KHDRBS3: variants seen among roughly 807,000 people sequenced by gnomAD.
KHDRBS3 encodes the protein KH RNA binding domain containing, signal transduction associated 3, also known as KH domain-containing, RNA-binding, signal transduction-associated protein 3.
Under a neutral mutation model 45.6 loss-of-function variants are expected in KHDRBS3, and 23 were observed. The ratio of observed to expected loss-of-function variants is 0.50; its 90% CI spans 0.36 to 0.72. The LOEUF (loss-of-function observed/expected upper bound fraction) is 0.72. KHDRBS3 is among the 30% of genes least tolerant of loss of function. The pLI is 0.00. For missense variants in KHDRBS3, 352 were observed against 424.8 expected (o/e 0.83, Z 1.51); for synonymous variants, 162 against 156.5 (o/e 1.04, Z -0.26).
At chr8:135,514,174 G>A (rs1195834549) in intron 1 of KHDRBS3, among the ~76,000 whole-genome samples, 1 of 152,126 alleles carries the variant, frequency 6.6e-6, no homozygotes, top group Non-Finnish European at 1.5e-5. Flanking sequence ...AAGCAGATGT[G>A]GCTACATTAA....
At chr8:135,648,335 A>G (rs1831362729), downstream of KHDRBS3, among the ~76,000 whole-genome samples, 1 of 152,220 alleles carries the variant, frequency 6.6e-6, no homozygotes, top group Non-Finnish European at 1.5e-5. Context: ...CTATTAAACA[A>G]CTGTAAAACC....
intron 1 of KHDRBS3, among the ~76,000 whole-genome samples, chr8:135,512,713 C>T (rs1824365942): frequency 6.6e-6 from 1 of 152,142 alleles, no homozygotes; most frequent in Non-Finnish European, 1.5e-5. Context: ...AATCACTATG[C>T]TAAGTGTTAG....
chr8:135,637,026 G>A (rs1420906071), intron 7 of KHDRBS3, among the ~76,000 whole-genome samples: 1 of 152,196 alleles, frequency 6.6e-6, no homozygotes, highest in African/African-American at 2.4e-5. Context: ...CCAAAATTCA[G>A]CAAAGTTGTG....
intron 7 of KHDRBS3, among the ~76,000 whole-genome samples, chr8:135,613,654 G>A (rs1459026601): frequency 6.6e-6 from 1 of 151,704 alleles, no homozygotes; most frequent in Non-Finnish European, 1.5e-5. Context: ...AAACCTGCAA[G>A]GACTGTGCGA....
Position 135,623,244 on chromosome 8 carries a change from A to T in KHDRBS3, c.890+16207A>T, listed in dbSNP as rs148066665. ...GATCTGTTCTCTTGTGTGTCTTCATAAGAAATCTTAGTTTTCTTGTTAGCG... is the reference window on the plus strand; with the variant it reads ...GATCTGTTCTCTTGTGTGTCTTCATTAGAAATCTTAGTTTTCTTGTTAGCG... On this transcript the variant is annotated intron_variant, in intron 7 of 8. Coordinates refer to ENST00000355849, the MANE Select transcript of KHDRBS3 (RefSeq NM_006558.3). Among the ~76,000 whole-genome samples the T allele has an allele frequency of 4.7e-3, 713 of 152,332 alleles. 2 individuals carry two copies. Among genetic ancestry groups the T allele is most frequent in the African/African-American group, 0.016 (686 of 41,586 alleles).
intron 5 of KHDRBS3, among the ~76,000 whole-genome samples, chr8:135,571,183 T>C (rs1340984066): frequency 6.6e-6 from 1 of 152,192 alleles, no homozygotes; most frequent in African/African-American, 2.4e-5. Context: ...GCTGTAGACA[T>C]CACCAACGGG....
chr8:135,532,669 G>GA (rs1183279746), intron 2 of KHDRBS3, among the ~76,000 whole-genome samples: 9 of 151,784 alleles, frequency 5.9e-5, no homozygotes, highest in East Asian at 5.8e-4. Context: ...CTGTTGACGT[G>GA]AAAAAAAATG....
chr8:135,556,494 C>A (rs1166511402), intron 4 of KHDRBS3, among the ~76,000 whole-genome samples: 1 of 152,160 alleles, frequency 6.6e-6, no homozygotes, highest in African/African-American at 2.4e-5. Context: ...GTATGATGAG[C>A]ATTTTTTCAT....
At chr8:135,538,923 A>C (rs974075926) in intron 2 of KHDRBS3, 4 of 152,212 alleles carry the variant, frequency 2.6e-5, no homozygotes, top group African/African-American at 9.7e-5. Context: ...TTTTCTTTAA[A>C]AAAAGGAAAA....
intron 7 of KHDRBS3, among the ~76,000 whole-genome samples, chr8:135,623,799 G>A (rs1435723597): frequency 6.6e-6 from 1 of 152,084 alleles, no homozygotes; most frequent in Non-Finnish European, 1.5e-5. Flanking sequence ...GTTTTCCTCT[G>A]AATACCACAC....
intron 6 of KHDRBS3, among the ~76,000 whole-genome samples, chr8:135,600,540 G>A (rs1019322804): frequency 6.6e-6 from 1 of 152,178 alleles, no homozygotes; most frequent in Non-Finnish European, 1.5e-5. Flanking sequence ...GCCTTCCTAG[G>A]TGTGTGTGGA....
At chr8:135,532,686 C>A (rs1480153728) in intron 2 of KHDRBS3, among the ~76,000 whole-genome samples, 1 of 152,080 alleles carries the variant, frequency 6.6e-6, no homozygotes, top group Non-Finnish European at 1.5e-5. Flanking sequence ...AATGGAAGAA[C>A]AGAGAAGTTG....
intron 1 of KHDRBS3, among the ~76,000 whole-genome samples, chr8:135,501,637 A>C (rs1370511950): frequency 1.3e-5 from 2 of 152,284 alleles, no homozygotes; most frequent in African/African-American, 4.8e-5. Flanking sequence ...ATAACTTTTT[A>C]CCAGTTATCC....
chr8:135,629,188 A>G (rs1307230326), intron 7 of KHDRBS3, among the ~76,000 whole-genome samples: 1 of 152,246 alleles, frequency 6.6e-6, no homozygotes, highest in Non-Finnish European at 1.5e-5. Context: ...CTGTGTTAGC[A>G]TTTGAAATCC....
intron 1 of KHDRBS3, among the ~76,000 whole-genome samples, chr8:135,483,449 G>A (rs1212242786): frequency 6.6e-6 from 1 of 152,174 alleles, no homozygotes; most frequent in Non-Finnish European, 1.5e-5. Flanking sequence ...GTAGTAAGAT[G>A]TTGTCATGGT....
chr8:135,626,010 T>TG (rs1220314941), intron 7 of KHDRBS3: 1 of 679,440 alleles, frequency 1.5e-6, no homozygotes, highest in Non-Finnish European at 2.8e-6. Flanking sequence ...CCGTGTCCAC[T>TG]GCCCGCACCC....
rs1267369740 is a variant in KHDRBS3 at position 135,629,025 on chromosome 8, T to C, written c.891-16034T>C. Among the ~76,000 whole-genome samples the C allele has an allele frequency of 2.6e-5, 4 of 152,362 alleles. 1 individual carries two copies. The East Asian group carries it at 7.7e-4, about 29-fold the overall frequency. ...GCCAGTGGTTGGGCCACATGACCTC[T>C]GAAGATCGATTTCTTCCCTTTGATT... On this transcript the variant is annotated intron_variant, in intron 7 of 8. Transcript: ENST00000355849.
At chr8:135,621,449 T>C (rs879386921) in intron 7 of KHDRBS3, among the ~76,000 whole-genome samples, 17 of 152,328 alleles carry the variant, frequency 1.1e-4, no homozygotes, top group Admixed American at 1.1e-3. Context: ...TGAGCCAAAT[T>C]GTTCAAAAAT....
intron 1 of KHDRBS3, chr8:135,458,863 C>G (rs1009544900): frequency 2.2e-6 from 1 of 456,218 alleles, no homozygotes; most frequent in East Asian, 7.0e-5. Flanking sequence ...CAGTGTTCCC[C>G]TGGCTTTTTC....
Sources: gnomAD v4.1 joint callset for allele counts (sites outside exome capture counted in the v4.1 genomes callset) on GRCh38, gnomAD v4.1.1 for gene constraint, MANE v1.5 for transcripts, NCBI Gene and HGNC (gene_info 2026-07-23, HGNC 2026-07-21) for gene names.